Variants in RALYL observed in about 807,000 individuals in gnomAD.
The protein encoded by RALYL is RALY RNA binding protein like.
Under a neutral mutation model 35.1 loss-of-function variants are expected in RALYL, and 29 were observed. The observed-to-expected ratio is 0.83, with a 90% CI of 0.61 to 1.13. The LOEUF is 1.13. RALYL is among the 50% of genes most tolerant of loss of function. The pLI is 0.00. For synonymous variants in RALYL, 120 were observed against 127.6 expected, an observed-to-expected ratio of 0.94 and a Z score of 0.40; for missense variants, 359 against 360.4, an observed-to-expected ratio of 1.00 and a Z score of 0.03.
chr8:84,787,161 C>A (rs1173306724), intron 3 of RALYL, among the ~76,000 whole-genome samples: 1 of 149,578 alleles, frequency 6.7e-6, no homozygotes, highest in African/African-American at 2.5e-5. Context: ...CCTCCCCTAG[C>A]CCCCCACCCC....
intron 2 of RALYL, among the ~76,000 whole-genome samples, chr8:84,562,232 T>A (rs985080215): frequency 2.0e-5 from 3 of 151,920 alleles, no homozygotes; most frequent in Non-Finnish European, 4.4e-5. Flanking sequence ...GATATTTATT[T>A]TAATTGCATG....
At chr8:84,374,481 C>A (rs1047670964) in intron 1 of RALYL, among the ~76,000 whole-genome samples, 2 of 151,896 alleles carry the variant, frequency 1.3e-5, no homozygotes, top group African/African-American at 2.4e-5. Context: ...CTAATTCTCA[C>A]CAACGACAGA....
intron 4 of RALYL, among the ~76,000 whole-genome samples, chr8:84,810,477 T>G (rs1374328870): frequency 6.6e-6 from 1 of 152,152 alleles, no homozygotes; most frequent in Non-Finnish European, 1.5e-5. Context: ...TTGGATGAAA[T>G]GTTCTGTATA....
chr8:84,918,889 CCTTT>C (rs1848888800), intron 8 of RALYL, among the ~76,000 whole-genome samples: 1 of 152,000 alleles, frequency 6.6e-6, no homozygotes, highest in South Asian at 2.1e-4. Context: ...TTCAAATCTA[CCTTT>C]CTTTCCCCAA....
chr8:84,892,615 A>G (rs1844056642), intron 8 of RALYL, among the ~76,000 whole-genome samples: 1 of 151,786 alleles, frequency 6.6e-6, no homozygotes, highest in Non-Finnish European at 1.5e-5. Flanking sequence ...TGTCTTAAAA[A>G]AAAAAAAAAA....
intron 1 of RALYL, among the ~76,000 whole-genome samples, chr8:84,258,818 A>G (rs1214488918): frequency 6.6e-6 from 1 of 152,072 alleles, no homozygotes; most frequent in African/African-American, 2.4e-5. Context: ...CATTCACATC[A>G]TTGTCTTTGA....
chr8:84,858,448 A>G (rs1837477756), intron 5 of RALYL, among the ~76,000 whole-genome samples: 2 of 152,180 alleles, frequency 1.3e-5, no homozygotes, highest in Admixed American at 1.3e-4. Context: ...GGGAAAATTA[A>G]GGGCTATTAA....
chr8:84,315,620 GT>G (rs1010598355), intron 1 of RALYL, among the ~76,000 whole-genome samples: 20 of 151,954 alleles, frequency 1.3e-4, no homozygotes, highest in Non-Finnish European at 2.1e-4. Context: ...ATCAAAATTG[GT>G]TGAATAAACT....
At chr8:84,432,892 TCTATC>T (rs536652594) in intron 1 of RALYL, among the ~76,000 whole-genome samples, 126 of 152,188 alleles carry the variant, frequency 8.3e-4, no homozygotes, top group African/African-American at 2.9e-3. Flanking sequence ...ATTTCAGACT[TCTATC>T]CTCCAGAACT....
chr8:84,690,673 T>A (rs761726938), intron 2 of RALYL, among the ~76,000 whole-genome samples: 1 of 151,988 alleles, frequency 6.6e-6, no homozygotes, highest in Non-Finnish European at 1.5e-5. Context: ...AACAAAAAAA[T>A]TTAAAAATAA....
chr8:84,898,751 C>T (rs1845175175), intron 8 of RALYL, among the ~76,000 whole-genome samples: 1 of 152,138 alleles, frequency 6.6e-6, no homozygotes. Flanking sequence ...CAGGGATTGA[C>T]TTTCCTGAAA....
intron 4 of RALYL, among the ~76,000 whole-genome samples, chr8:84,841,731 C>T (rs541212470): frequency 6.6e-6 from 1 of 152,336 alleles, no homozygotes; most frequent in African/African-American, 2.4e-5. Context: ...AAGCACTCCT[C>T]TGCAAATGTA....
In RALYL at chr8:84,830,021, G is replaced by T. The variant is rs903669160; in HGVS notation, c.366-19959G>T. On this transcript the variant is annotated intron_variant, in intron 4 of 8. Coordinates refer to ENST00000521268, the MANE Select transcript of RALYL (RefSeq NM_173848.7). Reference sequence around the variant, plus strand: ...ACAGCATTTCAGCACTATACTGGGGGGGGGGGGGCATTTTAAGCTGCAAAA... The same window carrying T: ...ACAGCATTTCAGCACTATACTGGGGTGGGGGGGGCATTTTAAGCTGCAAAA... Among the ~76,000 whole-genome samples, 19 of 141,038 alleles carry T rather than the reference G, an allele frequency of 1.3e-4. 1 individual carries two copies. Among genetic ancestry groups the T allele is most frequent in the Admixed American group, 1.1e-3 (16 of 14,230 alleles). The allele number at this position is 141,038 out of a possible 152,430, so 92.5% of individuals were successfully genotyped here.
intron 5 of RALYL, among the ~76,000 whole-genome samples, chr8:84,860,890 G>T (rs533098479): frequency 6.6e-6 from 1 of 151,992 alleles, no homozygotes; most frequent in South Asian, 2.1e-4. Flanking sequence ...TGCTTTTTGC[G>T]CTTCCCTCAC....
At chr8:84,423,680 G>T (rs1364500247) in intron 1 of RALYL, among the ~76,000 whole-genome samples, 1 of 151,738 alleles carries the variant, frequency 6.6e-6, no homozygotes, top group Non-Finnish European at 1.5e-5. Context: ...TTTTGCAGTG[G>T]CTGGTACCGG....
intron 2 of RALYL, among the ~76,000 whole-genome samples, chr8:84,539,443 C>T (rs964538561): frequency 1.3e-5 from 2 of 152,040 alleles, no homozygotes; most frequent in Admixed American, 6.5e-5. Context: ...AGGTGTTGGT[C>T]GTGTTACAAG....
intron 1 of RALYL, among the ~76,000 whole-genome samples, chr8:84,473,035 A>G (rs973269927): frequency 1.3e-5 from 2 of 152,164 alleles, no homozygotes; most frequent in African/African-American, 4.8e-5. Flanking sequence ...GAAGCTTTAA[A>G]TAAATTCCTT....
At chr8:84,348,425 G>C (rs1850249497) in intron 1 of RALYL, among the ~76,000 whole-genome samples, 1 of 152,008 alleles carries the variant, frequency 6.6e-6, no homozygotes, top group Non-Finnish European at 1.5e-5. Flanking sequence ...AGAGCTCACT[G>C]CATGTCCCAC....
chr8:84,657,928 A>G (rs1830251686), intron 2 of RALYL, among the ~76,000 whole-genome samples: 1 of 152,176 alleles, frequency 6.6e-6, no homozygotes, highest in Admixed American at 6.6e-5. Context: ...AGAAACAAAA[A>G]TGAAATCCTA....
Sources: allele counts gnomAD v4.1 joint callset (sites outside exome capture counted in the v4.1 genomes callset), GRCh38; gene constraint gnomAD v4.1.1; transcripts MANE v1.5; gene names NCBI Gene and HGNC (gene_info 2026-07-23, HGNC 2026-07-21).